ALK: variants seen among roughly 807,000 people sequenced by gnomAD.
ALK encodes the protein ALK receptor tyrosine kinase.
In ALK, 74 loss-of-function variants were observed where a neutral mutation model predicts 163.1. The observed-to-expected ratio is 0.45, with a 90% confidence interval of 0.38 to 0.55. ALK has a LOEUF of 0.55. Ranked by LOEUF, ALK falls within the 20% of genes least tolerant of loss-of-function variation. ALK has a pLI of 0.00. For synonymous variants in ALK, 960 were observed against 843.2 expected, an observed-to-expected ratio of 1.14 and a Z score of -2.40; for missense variants, 2,063 against 2,105.3, an observed-to-expected ratio of 0.98 and a Z score of 0.39.
chr2:29,445,927 G>A (rs1290955674), intron 4 of ALK, among the ~76,000 whole-genome samples: 3 of 150,004 alleles, frequency 2.0e-5, no homozygotes, highest in East Asian at 3.9e-4. Context: ...GTGAAACCCC[G>A]TCTCTACTAA....
At chr2:29,783,193 C>T (rs1269844165) in intron 1 of ALK, among the ~76,000 whole-genome samples, 1 of 152,146 alleles carries the variant, frequency 6.6e-6, no homozygotes, top group East Asian at 1.9e-4. Context: ...ATAGTTCTTC[C>T]CCCCTTTGTG....
In ALK at chr2:29,373,478, T is replaced by A. The variant is rs1668683070; in HGVS notation, c.1282+10254A>T. Among the ~76,000 whole-genome samples, 4 of 152,250 alleles carry A rather than the reference T, an allele frequency of 2.6e-5. No homozygotes were observed. The South Asian group carries it at 8.3e-4, about 32-fold the overall frequency. ...TTGTAATTTGAAAGTAATTTTCTTC[T>A]GGGAGTACAATGACCTCGGCACACT... On this transcript the variant is annotated intron_variant, in intron 5 of 28. Transcript: ENST00000389048.
At chr2:29,491,029 C>T (rs1042540971) in intron 4 of ALK, among the ~76,000 whole-genome samples, 2 of 152,202 alleles carry the variant, frequency 1.3e-5, no homozygotes, top group African/African-American at 4.8e-5. Flanking sequence ...GTCATTCTTT[C>T]CATCCATGTT....
chr2:29,331,456 A>G (rs1667437005), intron 5 of ALK, among the ~76,000 whole-genome samples: 1 of 152,214 alleles, frequency 6.6e-6, no homozygotes, highest in East Asian at 1.9e-4. Flanking sequence ...AGACAAACAC[A>G]CAGGATCAAA....
intron 3 of ALK, among the ~76,000 whole-genome samples, chr2:29,665,498 T>C (rs967384909): frequency 6.6e-6 from 1 of 152,104 alleles, no homozygotes; most frequent in Non-Finnish European, 1.5e-5. Context: ...GCATCCTTTA[T>C]CCTTTATGCC....
chr2:29,366,850 C>T (rs894043198), intron 5 of ALK, among the ~76,000 whole-genome samples: 4 of 152,334 alleles, frequency 2.6e-5, no homozygotes, highest in Admixed American at 2.0e-4. Context: ...TTGCCATTGA[C>T]GGAAATGGGT....
Position 29,707,833 on chromosome 2 carries a change from C to T in ALK, c.787+9745G>A, listed in dbSNP as rs1434332144. On this transcript the variant is annotated intron_variant, in intron 2 of 28. Transcript: ENST00000389048. ...GCACATTCAGATCTGTCGTCATGTC[C>T]TCATAATAATGCTGTCAGTTGGTAA... Among the ~76,000 whole-genome samples the T allele has an allele frequency of 3.3e-5, 5 of 152,170 alleles. No individual in the cohort carries two copies. In the East Asian group the frequency reaches 9.6e-4, roughly 29 times the overall value.
intron 3 of ALK, among the ~76,000 whole-genome samples, chr2:29,615,884 T>A (rs1044856569): frequency 6.6e-6 from 1 of 152,220 alleles, no homozygotes; most frequent in African/African-American, 2.4e-5. Flanking sequence ...GAAGTCAAAT[T>A]AGCTAATATT....
intron 1 of ALK, among the ~76,000 whole-genome samples, chr2:29,838,106 G>C (rs985638930): frequency 1.3e-5 from 2 of 152,084 alleles, no homozygotes; most frequent in Non-Finnish European, 2.9e-5. Flanking sequence ...CTTAACAACA[G>C]AGGACACTGC....
intron 3 of ALK, among the ~76,000 whole-genome samples, chr2:29,681,607 T>C (rs1171994409): frequency 5.3e-5 from 8 of 152,150 alleles, no homozygotes; most frequent in South Asian, 2.1e-4. Context: ...AGGCTGTGGC[T>C]ACCTCAGACT....
intron 4 of ALK, among the ~76,000 whole-genome samples, chr2:29,460,800 T>A (rs1415846569): frequency 1.3e-5 from 2 of 152,116 alleles, no homozygotes; most frequent in Admixed American, 1.3e-4. Flanking sequence ...CTCTAAGTGT[T>A]CAAGTGAAAG....
chr2:29,393,293 G>A (rs1377960831), intron 4 of ALK, among the ~76,000 whole-genome samples: 4 of 152,022 alleles, frequency 2.6e-5, no homozygotes, highest in Non-Finnish European at 4.4e-5. Flanking sequence ...CCTGTCTCTC[G>A]CCCCTCTTTC....
intron 4 of ALK, among the ~76,000 whole-genome samples, chr2:29,493,192 C>T (rs1573399622): frequency 6.6e-6 from 1 of 152,198 alleles, no homozygotes; most frequent in Non-Finnish European, 1.5e-5. Context: ...CCTGTCCTGT[C>T]TCACATTTTT....
At chr2:29,373,202 A>G (rs1347181893) in intron 5 of ALK, among the ~76,000 whole-genome samples, 1 of 152,246 alleles carries the variant, frequency 6.6e-6, no homozygotes, top group Admixed American at 6.5e-5. Context: ...ACTAAGGATG[A>G]TGTAAAACTA....
chr2:29,215,160 G>C (rs983354976), intron 23 of ALK, among the ~76,000 whole-genome samples: 1 of 152,182 alleles, frequency 6.6e-6, no homozygotes, highest in Non-Finnish European at 1.5e-5. Flanking sequence ...CATGCTTGTA[G>C]CTCTCCTATT....
At chr2:29,501,563 C>T (rs1004909290) in intron 4 of ALK, among the ~76,000 whole-genome samples, 13 of 152,268 alleles carry the variant, frequency 8.5e-5, no homozygotes, top group East Asian at 1.9e-4. Context: ...TTCCTCCTTC[C>T]GGGGGAAAGT....
At chr2:29,640,090 G>C (rs1295191705) in intron 3 of ALK, among the ~76,000 whole-genome samples, 1 of 152,186 alleles carries the variant, frequency 6.6e-6, no homozygotes, top group African/African-American at 2.4e-5. Context: ...ATTAGACAGA[G>C]GGAGGTCCAG....
intron 8 of ALK, among the ~76,000 whole-genome samples, chr2:29,307,792 A>G (rs1340433614): frequency 6.6e-6 from 1 of 152,214 alleles, no homozygotes; most frequent in African/African-American, 2.4e-5. Context: ...ACAAGGAAAT[A>G]AAACACGTTT....
intron 13 of ALK, among the ~76,000 whole-genome samples, chr2:29,235,963 C>T (rs908488458): frequency 2.7e-5 from 4 of 147,490 alleles, no homozygotes; most frequent in African/African-American, 5.0e-5. Flanking sequence ...TTGCCTCAGC[C>T]GCCTGAGTAG....
Sources: gnomAD v4.1 joint callset for allele counts (sites outside exome capture counted in the v4.1 genomes callset) on GRCh38, gnomAD v4.1.1 for gene constraint, MANE v1.5 for transcripts, NCBI Gene and HGNC (gene_info 2026-07-23, HGNC 2026-07-21) for gene names.